Variants in TBC1D5 observed in about 807,000 individuals in gnomAD.
TBC1D5 encodes TBC1 domain family member 5, also known as TBC1 domain family, member 5.
A neutral mutation model predicts 100.3 loss-of-function variants in TBC1D5; 75 were observed. The ratio of observed to expected loss-of-function variants is 0.75; its 90% CI spans 0.62 to 0.91. The LOEUF is 0.91. Among genes scored for constraint, TBC1D5 ranks in the 40% least tolerant of loss-of-function variants. TBC1D5 has a pLI of 0.00. For synonymous variants in TBC1D5, 323 were observed against 325.6 expected (o/e 0.99, Z 0.09); for missense variants, 910 against 942.4 (o/e 0.97, Z 0.45).
intron 16 of TBC1D5, among the ~76,000 whole-genome samples, chr3:17,253,956 A>G (rs959199680): frequency 2.0e-5 from 3 of 152,222 alleles, no homozygotes; most frequent in African/African-American, 7.2e-5. Flanking sequence ...CCTATATGAG[A>G]GAGCCGACTA....
intron 1 of TBC1D5, among the ~76,000 whole-genome samples, chr3:17,636,915 T>C (rs1305190621): frequency 1.3e-5 from 2 of 152,122 alleles, no homozygotes; most frequent in African/African-American, 2.4e-5. Context: ...CATTTGATAA[T>C]GATAAAAATT....
At chr3:17,585,858 T>G (rs968262898) in intron 2 of TBC1D5, among the ~76,000 whole-genome samples, 1 of 152,230 alleles carries the variant, frequency 6.6e-6, no homozygotes, top group Non-Finnish European at 1.5e-5. Context: ...ATTTTATTCC[T>G]TATTATGGGT....
At chr3:17,422,106 T>C (rs1013724013) in intron 4 of TBC1D5, among the ~76,000 whole-genome samples, 1 of 152,176 alleles carries the variant, frequency 6.6e-6, no homozygotes, top group African/African-American at 2.4e-5. Context: ...TCATCTTTCA[T>C]ATAACTTCTA....
At chr3:17,389,493 C>T (rs935255232) in intron 8 of TBC1D5, among the ~76,000 whole-genome samples, 9 of 152,068 alleles carry the variant, frequency 5.9e-5, no homozygotes, top group Non-Finnish European at 1.2e-4. Context: ...TTCTCAGAAC[C>T]AGACCACCAT....
intron 3 of TBC1D5, among the ~76,000 whole-genome samples, chr3:17,454,290 G>A (rs540480006): frequency 1.1e-4 from 17 of 151,978 alleles, no homozygotes; most frequent in East Asian, 3.9e-4. Context: ...ATGAGATAAC[G>A]GTATAAATGG....
chr3:17,251,208 T>TAA lies in TBC1D5; in HGVS notation c.1331+7296_1331+7297dup, dbSNP rs1437201210. ...TCATGGTCCACTCTTTTATCTGTGG[T>TAA]AAAAAAAAAACCACTGTAGCTGTGG... On this transcript the variant is annotated intron_variant, in intron 16 of 21. Coordinates refer to ENST00000253692, the Ensembl canonical transcript of TBC1D5. 5.4e-5 allele frequency among the ~76,000 whole-genome samples: 8 copies of TAA among 148,074 alleles called. No individual in the cohort carries two copies. The East Asian group carries it at 1.2e-3, about 22-fold the overall frequency.
chr3:17,293,630 T>C (rs1049333009), intron 14 of TBC1D5, among the ~76,000 whole-genome samples: 1 of 152,178 alleles, frequency 6.6e-6, no homozygotes, highest in African/African-American at 2.4e-5. Context: ...ATTGAAAAAA[T>C]TTATTTGACT....
At chr3:17,428,399 G>A (rs752590997) in intron 4 of TBC1D5, 51 bp downstream of exon 4, 13 of 399,602 alleles carry the variant, frequency 3.3e-5, no homozygotes, top group Non-Finnish European at 4.1e-5. Flanking sequence ...TATTATATGT[G>A]TGTGTGTGTG....
At chr3:17,536,190 G>T (rs1576576268) in intron 2 of TBC1D5, among the ~76,000 whole-genome samples, 1 of 152,066 alleles carries the variant, frequency 6.6e-6, no homozygotes, top group East Asian at 1.9e-4. Context: ...AGTTTTGTGG[G>T]TTTTTTAAGC....
intron 3 of TBC1D5, among the ~76,000 whole-genome samples, chr3:17,505,517 GACTAACA>G (rs1423631001): frequency 6.6e-6 from 1 of 152,106 alleles, no homozygotes; most frequent in Non-Finnish European, 1.5e-5. Context: ...TGTAAAAACA[GACTAACA>G]AAGGATCCCC....
intron 1 of TBC1D5, among the ~76,000 whole-genome samples, chr3:17,717,696 G>C (rs1449015493): frequency 6.6e-6 from 1 of 152,032 alleles, no homozygotes; most frequent in African/African-American, 2.4e-5. Flanking sequence ...TACAAATTTT[G>C]ATATATGCTT....
At chr3:17,428,059 T>G (rs1305152302) in intron 4 of TBC1D5, among the ~76,000 whole-genome samples, 1 of 151,866 alleles carries the variant, frequency 6.6e-6, no homozygotes, top group Non-Finnish European at 1.5e-5. Flanking sequence ...TAGGCGCTCA[T>G]GAGCGGTACT....
intron 2 of TBC1D5, among the ~76,000 whole-genome samples, chr3:17,589,337 GCA>G (rs1479669773): frequency 6.6e-6 from 1 of 152,094 alleles, no homozygotes; most frequent in Non-Finnish European, 1.5e-5. Flanking sequence ...ATATATACTA[GCA>G]CACTTTATGG....
At chr3:17,379,992 T>C (rs911460728) in intron 9 of TBC1D5, among the ~76,000 whole-genome samples, 51 of 151,624 alleles carry the variant, frequency 3.4e-4, no homozygotes, top group African/African-American at 1.2e-3. Context: ...GGCGAACTAC[T>C]GTACTGTACT....
At chr3:17,517,842 A>G (rs868530348) in intron 2 of TBC1D5, among the ~76,000 whole-genome samples, 1 of 152,296 alleles carries the variant, frequency 6.6e-6, no homozygotes, top group South Asian at 2.1e-4. Flanking sequence ...TCTTCAGAAG[A>G]CATTAAATTT....
chr3:17,167,688 T>TG, intron 20 of TBC1D5, 61 bp downstream of exon 21: 2 of 1,492,690 alleles, frequency 1.3e-6, no homozygotes, highest in South Asian at 1.1e-5. Flanking sequence ...CTCCATGCCC[T>TG]GGGGGGCCCT....
intron 1 of TBC1D5, among the ~76,000 whole-genome samples, chr3:17,657,745 C>G (rs1238762755): frequency 6.6e-6 from 1 of 152,132 alleles, no homozygotes; most frequent in Non-Finnish European, 1.5e-5. Context: ...TCTGTATCTA[C>G]TTTCCTTCCT....
chr3:17,623,167 T>G (rs1314398088), intron 2 of TBC1D5, among the ~76,000 whole-genome samples: 1 of 152,176 alleles, frequency 6.6e-6, no homozygotes, highest in Non-Finnish European at 1.5e-5. Context: ...AGTTTAATAT[T>G]CATATGAATG....
intron 20 of TBC1D5, among the ~76,000 whole-genome samples, chr3:17,167,480 T>C (rs536497265): frequency 6.6e-6 from 1 of 152,314 alleles, no homozygotes; most frequent in South Asian, 2.1e-4. Context: ...CTACCCACAC[T>C]AGCTTTGGGT....
Sources: gnomAD v4.1 joint callset for allele counts (sites outside exome capture counted in the v4.1 genomes callset) on GRCh38, gnomAD v4.1.1 for gene constraint, MANE v1.5 for transcripts, NCBI Gene and HGNC (gene_info 2026-07-23, HGNC 2026-07-21) for gene names.